The following BRSK2 variants were observed in gnomAD, a reference collection of about 807,000 sequenced individuals.
BRSK2 encodes the protein serine/threonine-protein kinase BRSK2.
BRSK2 carries 19 observed loss-of-function variants against 83.3 expected under a neutral mutation model. That is an observed-to-expected ratio of 0.23 (90% CI 0.16 to 0.33). The LOEUF is 0.33. BRSK2 is among the 10% of genes least tolerant of loss of function. The pLI is 1.00. For synonymous variants in BRSK2, 519 were observed against 435.4 expected, an observed-to-expected ratio of 1.19 and a Z score of -2.39; for missense variants, 798 against 1,042.3, an observed-to-expected ratio of 0.77 and a Z score of 3.23.
At chr11:1,459,961 G>A (rs1383116880) in intron 19 of BRSK2, among the ~76,000 whole-genome samples, 2 of 152,162 alleles carry the variant, frequency 1.3e-5, no homozygotes, top group East Asian at 3.9e-4. Flanking sequence ...CATCCACTGG[G>A]CCTCATGCAG....
At chr11:1,407,108 G>A (rs1564799874) in intron 1 of BRSK2, among the ~76,000 whole-genome samples, 1 of 152,124 alleles carries the variant, frequency 6.6e-6, no homozygotes, top group Admixed American at 6.5e-5. Flanking sequence ...CTGGGCTGCC[G>A]AGGGTGGGGC....
chr11:1,439,878 G>T (rs1359946372), intron 3 of BRSK2, among the ~76,000 whole-genome samples: 1 of 151,348 alleles, frequency 6.6e-6, no homozygotes, highest in Non-Finnish European at 1.5e-5. Context: ...ATCTTCCCCT[G>T]CCCTGGGGGC....
At chr11:1,443,736 A>G in intron 8 of BRSK2, 101 bp downstream of exon 8, 1 of 1,380,958 alleles carries the variant, frequency 7.2e-7, no homozygotes. Context: ...ACGTGTGGGC[A>G]CCCAGGTGTG....
chr11:1,447,909 C>T (rs532325668), intron 12 of BRSK2: 31 of 1,539,088 alleles, frequency 2.0e-5, no homozygotes, highest in South Asian at 4.6e-5. Context: ...GCCCCAGACA[C>T]GCTGTCCTGC....
chr11:1,399,161 C>T (rs948776757), intron 1 of BRSK2, among the ~76,000 whole-genome samples: 12 of 152,284 alleles, frequency 7.9e-5, no homozygotes, highest in East Asian at 3.9e-4. Context: ...CTGGCCAGGA[C>T]GTTCCTGTGC....
At position 1,460,667 on chromosome 11, in the gene BRSK2, A is replaced by ACGGG; in HGVS notation, c.2157_2160dup (p.Lys721GlyfsTer107). ...CCCCGGAGGGGACGCCGAGTACCCA[A>ACGGG]CGGGCAAGGACACGGCCAAGATGGG... On this transcript the variant is annotated frameshift_variant, in exon 20 of 20. Transcript: ENST00000528841. LOFTEE classifies it high-confidence loss of function. 6.6e-7 allele frequency: 1 copy of ACGGG among 1,520,150 alleles called. No homozygotes were observed. Among genetic ancestry groups the ACGGG allele is most frequent in the Non-Finnish European group, 8.8e-7 (1 of 1,138,460 alleles). 94.2% of individuals were successfully genotyped at this position (1,520,150 alleles called of 1,614,324 possible). A position where few individuals can be genotyped will look rare whatever the true frequency, so the allele number is the denominator to read the frequency against.
intron 13 of BRSK2, among the ~76,000 whole-genome samples, 187 bp downstream of exon 13, chr11:1,450,023 GT>G (rs1748309662): frequency 6.6e-6 from 1 of 151,780 alleles, no homozygotes; most frequent in Admixed American, 6.6e-5. Context: ...ACGCTCTTTT[GT>G]TTTGTTTTGT....
Position 1,461,282 on chromosome 11 carries a change from C to G in BRSK2, c.*559C>G, listed in dbSNP as rs1464271124. 3 of 503,364 alleles carry G rather than the reference C, an allele frequency of 6.0e-6. No homozygotes were observed. The highest frequency in any genetic ancestry group is 4.1e-5 in the African/African-American group (2 of 48,636). The allele number at this position is 503,364 out of a possible 1,614,324, so 31.2% of individuals were successfully genotyped here. ...CTGGTGGGCAACGTAGCCACAGGAACAGGCCCCGTCCACCGCCTCCACGCC... is the reference window on the plus strand; with the variant it reads ...CTGGTGGGCAACGTAGCCACAGGAAGAGGCCCCGTCCACCGCCTCCACGCC... On this transcript the variant is annotated 3_prime_UTR_variant, in exon 20 of 20. Transcript: ENST00000528841.
Position 1,444,967 on chromosome 11 carries a change from G to T in BRSK2, c.781-4G>T. ...ACTAACTCCCTGTTTCTCTTTCCTT[G>T]TAGCTAGAGCACATTCAGAAACACA... On this transcript the variant is annotated splice_polypyrimidine_tract_variant and splice_region_variant and intron_variant, in intron 8 of 19. Transcript: ENST00000528841. 1 of 1,612,634 alleles carries T rather than the reference G, an allele frequency of 6.2e-7. No homozygotes were observed. Among genetic ancestry groups the T allele is most frequent in the Non-Finnish European group, 8.5e-7 (1 of 1,178,922 alleles).
intron 9 of BRSK2, 62 bp from the exon 10 acceptor site, chr11:1,445,232 C>T: frequency 6.5e-7 from 1 of 1,542,982 alleles, no homozygotes; most frequent in East Asian, 2.3e-5. Context: ...GGGCGTCCCA[C>T]CCTCGCAGCC....
chr11:1,411,575 G>T (rs768245621), intron 1 of BRSK2: 8 of 1,583,366 alleles, frequency 5.1e-6, no homozygotes, highest in Admixed American at 1.7e-5. Flanking sequence ...AGCTGCTCCA[G>T]CCGCACCTCC....
rs747901913 is a variant in BRSK2 at position 1,443,340 on chromosome 11, G to A, written c.570G>A (p.Glu190=). Residue 190 remains glutamate, a synonymous_variant, in exon 7 of 20, where the codon GAG becomes GAA. Transcript: ENST00000528841. ...HYACPEVIRG[E]KYDGRKADVW... ...CCGGGCACTGCTGTCCACAGGGGGA[G>A]AAGTATGACGGCCGGAAGGCGGACG... 6.2e-7 allele frequency: 1 copy of A among 1,607,466 alleles called. No individual in the cohort carries two copies. Among genetic ancestry groups the A allele is most frequent in the African/African-American group, 1.3e-5 (1 of 74,818 alleles).
chr11:1,445,860 C>T lies in BRSK2; in HGVS notation c.1179C>T (p.Ser393=), dbSNP rs749281358. 1 of 1,612,162 alleles carries T rather than the reference C, an allele frequency of 6.2e-7. No individual in the cohort carries two copies. The change falls in exon 12 of 20, where the codon TCC becomes TCT. Residue 393 remains serine, a synonymous_variant. Transcript: ENST00000528841. ...TGCTCAGCGTGACGGACGGCGGCTCCCCGGTGCCTGCGCGGCGGGCCATTG... is the reference window on the plus strand; with the variant it reads ...TGCTCAGCGTGACGGACGGCGGCTCTCCGGTGCCTGCGCGGCGGGCCATTG... ...MEVLSVTDGG[S]PVPARRAIEM... is the part of the protein sequence containing the mutation.
chr11:1,413,239 A>T (rs967281759), intron 1 of BRSK2, among the ~76,000 whole-genome samples: 1 of 151,934 alleles, frequency 6.6e-6, no homozygotes, highest in Non-Finnish European at 1.5e-5. Context: ...GCCCCTCGGG[A>T]CACCCCCTCA....
At position 1,438,299 on chromosome 11, in the gene BRSK2, C is replaced by T. The variant is rs1322121209; in HGVS notation, c.187-7C>T. On this transcript the variant is annotated splice_region_variant and splice_polypyrimidine_tract_variant and intron_variant, in intron 2 of 19. Coordinates refer to ENST00000528841, the MANE Select transcript of BRSK2 (RefSeq NM_001256627.2). The surrounding 1 kb of genome is among the most constrained non-coding windows in gnomAD (Gnocchi z 6.4). ...GAGCGTGATGTTCTCTGGCCTCTCC[C>T]ATGCAGGTGGAGCGGGAGATCGCGA... 1.2e-6 allele frequency: 2 copies of T among 1,613,818 alleles called. No individual in the cohort carries two copies. Among genetic ancestry groups the T allele is most frequent in the Admixed American group, 1.7e-5 (1 of 60,026 alleles).
At chr11:1,419,868 G>A (rs1848476722) in intron 1 of BRSK2, among the ~76,000 whole-genome samples, 1 of 152,218 alleles carries the variant, frequency 6.6e-6, no homozygotes, top group Non-Finnish European at 1.5e-5. Flanking sequence ...AGCCGAGATG[G>A]CGCCCCTGCA....
intron 12 of BRSK2, among the ~76,000 whole-genome samples, chr11:1,447,205 C>A (rs1590624849): frequency 6.6e-6 from 1 of 152,168 alleles, no homozygotes; most frequent in South Asian, 2.1e-4. Context: ...TATCTACATT[C>A]TACTGTCCTG....
chr11:1,421,526 G>A lies in BRSK2; in HGVS notation c.92-14514G>A, dbSNP rs559231674. 1.4e-4 allele frequency among the ~76,000 whole-genome samples: 22 copies of A among 152,296 alleles called. No homozygotes were observed. In the South Asian group the frequency reaches 1.4e-3, roughly 10 times the overall value. ...CGTGTGAAATGCTTCAGGGTGGCACGAATTTAACTAGAGAGGTTCTTTTCC... is the reference window on the plus strand; with the variant it reads ...CGTGTGAAATGCTTCAGGGTGGCACAAATTTAACTAGAGAGGTTCTTTTCC... On this transcript the variant is annotated intron_variant, in intron 1 of 19. Transcript: ENST00000528841.
rs1262433350 is a variant in BRSK2 at position 1,413,596 on chromosome 11, G to T, written c.92-22444G>T. 3.3e-5 allele frequency among the ~76,000 whole-genome samples: 5 copies of T among 152,248 alleles called. No individual in the cohort carries two copies. The South Asian group carries it at 6.2e-4, about 19-fold the overall frequency. ...ACTTCCCCAAGCCAGGAAGGAAGTG[G>T]TCATGGGCGTCTGGGGTCTGTGTGC... On this transcript the variant is annotated intron_variant, in intron 1 of 19. Transcript: ENST00000528841.
Sources: allele counts gnomAD v4.1 joint callset (sites outside exome capture counted in the v4.1 genomes callset), GRCh38; gene constraint gnomAD v4.1.1; non-coding constraint Gnocchi (gnomAD v3.1); transcripts MANE v1.5; gene names NCBI Gene and HGNC (gene_info 2026-07-23, HGNC 2026-07-21).